The following SULT2A1 variants were observed in gnomAD, a reference collection of about 807,000 sequenced individuals.
The protein encoded by SULT2A1 is sulfotransferase family 2A member 1.
A neutral mutation model predicts 33.9 loss-of-function variants in SULT2A1; 43 were observed. The observed-to-expected ratio is 1.27, with a 90% confidence interval of 1.00 to 1.64. The LOEUF is 1.64. Among genes scored for constraint, SULT2A1 ranks in the 40% most tolerant of loss-of-function variants. The pLI is 0.00. For synonymous variants in SULT2A1, 125 were observed against 113.6 expected, an observed-to-expected ratio of 1.10 and a Z score of -0.64; for missense variants, 300 against 335.1, an observed-to-expected ratio of 0.90 and a Z score of 0.82.
intron 5 of SULT2A1, among the ~76,000 whole-genome samples, chr19:47,872,527 T>C (rs1968502974): frequency 6.6e-6 from 1 of 152,098 alleles, no homozygotes; most frequent in African/African-American, 2.4e-5. Flanking sequence ...AACGCTGCTC[T>C]CTCAGATTGG....
intron 1 of SULT2A1, among the ~76,000 whole-genome samples, chr19:47,884,499 G>C (rs990791788): frequency 7.3e-6 from 1 of 137,046 alleles, no homozygotes; most frequent in Non-Finnish European, 1.5e-5. Flanking sequence ...TTTTTTTAGC[G>C]ATGAGGTCTC....
chr19:47,883,772 C>A lies in SULT2A1; in HGVS notation c.150G>T (p.Leu50Phe), dbSNP rs1161768775. The change falls in exon 2 of 6, where the codon TTG (leucine) becomes TTT (phenylalanine). Residue 50 changes from leucine (L) to phenylalanine (F), a missense_variant. Physicochemically the swap from Leu to Phe is conservative, Grantham distance 22. Coordinates refer to ENST00000222002, the MANE Select transcript of SULT2A1 (RefSeq NM_003167.4). ...LTYPKSGTNWLAEILCLMHSK... is the reference protein window; with the variant it reads ...LTYPKSGTNWFAEILCLMHSK... Reference sequence around the variant, plus strand: ...AGTGCATCAGGCAGAGAATCTCAGCCAACCAGTTTGTTCCTGGAAAAAGAA... The same window carrying A: ...AGTGCATCAGGCAGAGAATCTCAGCAAACCAGTTTGTTCCTGGAAAAAGAA... 1.2e-6 allele frequency: 2 copies of A among 1,613,996 alleles called. No individual in the cohort carries two copies. The highest frequency in any genetic ancestry group is 1.3e-5 in the African/African-American group (1 of 75,008).
Position 47,871,215 on chromosome 19 carries a change from C to G in SULT2A1, c.*240G>C, listed in dbSNP as rs1968488052. The G allele has an allele frequency of 2.2e-6, 1 of 447,400 alleles. No individual in the cohort carries two copies. The highest frequency in any genetic ancestry group is 3.8e-5 in the Admixed American group (1 of 26,038). The allele number at this position is 447,400 out of a possible 1,614,324, so 27.7% of individuals were successfully genotyped here. A position where few individuals can be genotyped will look rare whatever the true frequency, so the allele number is the denominator to read the frequency against. ...CCGTGTTAGCCAGGATGGTCTCAGT[C>G]TCCTGACCTCGTGATCCGCCCGTCT... On this transcript the variant is annotated 3_prime_UTR_variant, in exon 6 of 6. Coordinates refer to ENST00000222002, the MANE Select transcript of SULT2A1 (RefSeq NM_003167.4).
Position 47,871,443 on chromosome 19 carries a change from G to C in SULT2A1, c.*12C>G. On this transcript the variant is annotated 3_prime_UTR_variant, in exon 6 of 6. Coordinates refer to ENST00000222002, the MANE Select transcript of SULT2A1 (RefSeq NM_003167.4). ...TGTCATTCTCCATATAAGATCCAGAGTGTTTTGGACGTTATTCCCATGGGA... is the reference window on the plus strand; with the variant it reads ...TGTCATTCTCCATATAAGATCCAGACTGTTTTGGACGTTATTCCCATGGGA... The C allele has an allele frequency of 6.3e-7, 1 of 1,583,148 alleles. No homozygotes were observed. The highest frequency in any genetic ancestry group is 8.7e-7 in the Non-Finnish European group (1 of 1,151,916).
chr19:47,874,949 A>T lies in SULT2A1; in HGVS notation c.568-115T>A, dbSNP rs1462716959. On this transcript the variant is annotated intron_variant, in intron 4 of 5. Coordinates refer to ENST00000222002, the MANE Select transcript of SULT2A1 (RefSeq NM_003167.4). Reference sequence around the variant, plus strand: ...GGCTGAGGCGGTTGGATCACTTGAGATCAGGAGTTCGAGACTAGCCTGGCC... The same window carrying T: ...GGCTGAGGCGGTTGGATCACTTGAGTTCAGGAGTTCGAGACTAGCCTGGCC... 8.9e-5 allele frequency: 79 copies of T among 888,746 alleles called. 1 individual carries two copies. Among genetic ancestry groups the T allele is most frequent in the Non-Finnish European group, 1.3e-4 (75 of 589,148 alleles). The allele number at this position is 888,746 out of a possible 1,614,324, so 55.1% of individuals were successfully genotyped here.
At chr19:47,883,885 A>T (rs958116135) in intron 1 of SULT2A1, 100 bp from the exon 2 acceptor site, 2 of 1,087,440 alleles carry the variant, frequency 1.8e-6, no homozygotes, top group Admixed American at 4.2e-5. Context: ...GAGGCAAGTG[A>T]TCATGAGGTC....
rs559729703 is a variant in SULT2A1 at position 47,877,002 on chromosome 19, G to T, written c.567+2034C>A. Among the ~76,000 whole-genome samples the T allele has an allele frequency of 9.5e-4, 141 of 147,960 alleles. 1 individual carries two copies. The highest frequency in any genetic ancestry group is 3.4e-3 in the African/African-American group (136 of 40,348). ...TGAGGCAGAAGAATCGCTTGAACCC[G>T]AGAGGCGGAGGTTGCAGTGAGCCGA... On this transcript the variant is annotated intron_variant, in intron 4 of 5. Coordinates refer to ENST00000222002, the MANE Select transcript of SULT2A1 (RefSeq NM_003167.4).
chr19:47,872,031 C>G (rs1968497553), intron 5 of SULT2A1, among the ~76,000 whole-genome samples: 1 of 151,916 alleles, frequency 6.6e-6, no homozygotes, highest in Non-Finnish European at 1.5e-5. Context: ...AGTTCTCGTG[C>G]CTCAGCCTCC....
chr19:47,883,676 A>G lies in SULT2A1; in HGVS notation c.246T>C (p.Ile82=), dbSNP rs1435474478. Residue 82 remains isoleucine, a synonymous_variant, in exon 2 of 6, where the codon ATT becomes ATC. Coordinates refer to ENST00000222002, the MANE Select transcript of SULT2A1 (RefSeq NM_003167.4). The part of the protein sequence containing the change: ...WERSPWVESE[I]GYTALSETES... ...CCGTTTCACTGAGTGCTGTATACCC[A>G]ATCTCACTCTCTACCCAGGGTGATC... 3 of 1,613,994 alleles carry G rather than the reference A, an allele frequency of 1.9e-6. No homozygotes were observed. Among genetic ancestry groups the G allele is most frequent in the Non-Finnish European group, 2.5e-6 (3 of 1,180,022 alleles).
rs1367291244 is a variant in SULT2A1, at chr19:47,883,737, T to C, written c.185A>G (p.Asp62Gly). Residue 62 changes from aspartate to glycine, a missense_variant, in exon 2 of 6, where the codon GAT becomes GGT. Transcript: ENST00000222002. ...GGGCACAGATTGGATCCACTTGGCA[T>C]CCCCCTTGGAGTGCATCAGGCAGAG... ...EILCLMHSKG[D>G]AKWIQSVPIW... 6.2e-7 allele frequency: 1 copy of C among 1,613,804 alleles called. No homozygotes were observed. The highest frequency in any genetic ancestry group is 2.2e-5 in the East Asian group (1 of 44,894).
chr19:47,881,449 T>C (rs1968602895), intron 3 of SULT2A1, among the ~76,000 whole-genome samples: 1 of 152,002 alleles, frequency 6.6e-6, no homozygotes, highest in Admixed American at 6.6e-5. Context: ...TGGGATTACA[T>C]GTGTGAGCCA....
intron 4 of SULT2A1, among the ~76,000 whole-genome samples, chr19:47,875,158 C>CA (rs36196588): frequency 1.6e-4 from 15 of 94,050 alleles, no homozygotes; most frequent in Non-Finnish European, 2.2e-4. Flanking sequence ...GAGACCTTGT[C>CA]AAAAAAAAAA....
At position 47,871,096 on chromosome 19, in the gene SULT2A1, C is replaced by G. The variant is rs1382821515; in HGVS notation, c.*359G>C. On this transcript the variant is annotated 3_prime_UTR_variant, in exon 6 of 6. Transcript: ENST00000222002. ...TGACCCCGTGATCCTCCCCCACCCC[C>G]CCGACCTCCCAAAGTGCTGGGATTA... 1.1e-5 allele frequency: 2 copies of G among 177,936 alleles called. No individual in the cohort carries two copies. Among genetic ancestry groups the G allele is most frequent in the African/African-American group, 2.4e-5 (1 of 41,910 alleles). 11.0% of individuals were successfully genotyped at this position (177,936 alleles called of 1,614,324 possible). A position where few individuals can be genotyped will look rare whatever the true frequency, so the allele number is the denominator to read the frequency against.
intron 4 of SULT2A1, 92 bp downstream of exon 4, chr19:47,878,944 T>C: frequency 2.4e-6 from 2 of 824,442 alleles, no homozygotes; most frequent in Non-Finnish European, 4.2e-6. Flanking sequence ...ACTGAGAGGG[T>C]GGAATGAAGA....
intron 1 of SULT2A1, among the ~76,000 whole-genome samples, chr19:47,885,689 C>T (rs1018869746): frequency 6.6e-6 from 1 of 152,194 alleles, no homozygotes; most frequent in African/African-American, 2.4e-5. Flanking sequence ...CTTTCAGCCC[C>T]TTGAGATTGC....
intron 1 of SULT2A1, among the ~76,000 whole-genome samples, chr19:47,884,594 G>A (rs189276579): frequency 1.2e-4 from 18 of 150,340 alleles, no homozygotes; most frequent in African/African-American, 3.7e-4. Flanking sequence ...CTTGTACTTC[G>A]GCCTCCTGCT....
At position 47,883,652 on chromosome 19, in the gene SULT2A1, C is replaced by T. The variant is rs748360834; in HGVS notation, c.270G>A (p.Thr90=). 6.2e-6 allele frequency: 10 copies of T among 1,614,030 alleles called. No individual in the cohort carries two copies. The highest frequency in any genetic ancestry group is 4.4e-5 in the South Asian group (4 of 91,062). ...GGGAGGAGAATAAACGTGGACTCTC[C>T]GTTTCACTGAGTGCTGTATACCCAA... is the stretch of plus-strand genomic sequence containing the variant. The part of the protein sequence containing the change: ...SEIGYTALSE[T]ESPRLFSSHL... The change falls in exon 2 of 6, where the codon ACG becomes ACA. Residue 90 remains threonine (T), a synonymous_variant. Transcript: ENST00000222002.
At chr19:47,883,464 C>G (rs1482803264) in intron 2 of SULT2A1, 113 bp downstream of exon 2, 2 of 1,085,780 alleles carry the variant, frequency 1.8e-6, no homozygotes, top group East Asian at 5.1e-5. Context: ...CAGGTCTCAA[C>G]AACACAGACC....
intron 3 of SULT2A1, among the ~76,000 whole-genome samples, chr19:47,880,193 C>T (rs1182590834): frequency 2.8e-5 from 4 of 141,758 alleles, no homozygotes; most frequent in Admixed American, 1.5e-4. Flanking sequence ...GCTGAGATCG[C>T]GCCACTGCAC....
Sources: gnomAD v4.1 joint callset for allele counts (sites outside exome capture counted in the v4.1 genomes callset) on GRCh38, gnomAD v4.1.1 for gene constraint, MANE v1.5 for transcripts, NCBI Gene and HGNC (gene_info 2026-07-23, HGNC 2026-07-21) for gene names.